SLC5A4: variants seen among roughly 807,000 people sequenced by gnomAD.
The protein encoded by SLC5A4 is probable glucose sensor protein SLC5A4.
SLC5A4 carries 55 observed loss-of-function variants against 70.3 expected under a neutral mutation model. The ratio of observed to expected loss-of-function variants is 0.78; its 90% confidence interval spans 0.63 to 0.98. The LOEUF (loss-of-function observed/expected upper bound fraction) is 0.98. Among genes scored for constraint, SLC5A4 ranks in the 50% least tolerant of loss-of-function variants. The pLI, the probability that SLC5A4 is intolerant of heterozygous loss-of-function variation, is 0.00. For missense variants in SLC5A4, 735 were observed against 839.2 expected, an observed-to-expected ratio of 0.88 and a Z score of 1.53; for synonymous variants, 268 against 305.7, an observed-to-expected ratio of 0.88 and a Z score of 1.29.
the SLC5A4 span, among the ~76,000 whole-genome samples, chr22:32,308,128 C>T: frequency 4.6e-5 from 7 of 152,136 alleles, no homozygotes; most frequent in Admixed American, 1.3e-4. Flanking sequence ...TGCACTGGTA[C>T]GATCTCAGCT....
chr22:32,328,477 G>A, the SLC5A4 span, among the ~76,000 whole-genome samples: 2 of 152,224 alleles, frequency 1.3e-5, no homozygotes, highest in South Asian at 2.1e-4. Flanking sequence ...CCTCTTTTTG[G>A]GTGGTCAGCT....
At chr22:32,227,469 A>G (rs1221427061) in intron 11 of SLC5A4, among the ~76,000 whole-genome samples, 1 of 152,174 alleles carries the variant, frequency 6.6e-6, no homozygotes, top group Non-Finnish European at 1.5e-5. Context: ...TGTTACTGTC[A>G]CCAACAAAGT....
chr22:32,260,124 G>A (rs191562028), upstream of SLC5A4, among the ~76,000 whole-genome samples: 49 of 152,304 alleles, frequency 3.2e-4, no homozygotes, highest in African/African-American at 1.0e-3. Context: ...GGTGGGAGAG[G>A]GGTCCCCCTA....
Position 32,219,630 on chromosome 22 carries a change from C to CAAAAAAAAAAAAAAAAA in SLC5A4, c.1769-922_1769-906dup. On this transcript the variant is annotated intron_variant, in intron 14 of 14. Coordinates refer to ENST00000266086, the MANE Select transcript of SLC5A4 (RefSeq NM_014227.3). ...ATGAATGAGTTAATATCCAACTTAG[C>CAAAAAAAAAAAAAAAAA]AAAAAAAAAAAAAAAAAAAAAAGAA... 3.5e-4 allele frequency among the ~76,000 whole-genome samples: 10 copies of CAAAAAAAAAAAAAAAAA among 28,862 alleles called. 1 individual carries two copies. Among genetic ancestry groups the CAAAAAAAAAAAAAAAAA allele is most frequent in the Non-Finnish European group, 5.4e-4 (10 of 18,420 alleles). 18.9% of individuals were successfully genotyped at this position (28,862 alleles called of 152,430 possible). A position where few individuals can be genotyped will look rare whatever the true frequency, so the allele number is the denominator to read the frequency against.
the SLC5A4 span, among the ~76,000 whole-genome samples, chr22:32,331,155 G>A: frequency 3.2e-5 from 4 of 126,786 alleles, no homozygotes; most frequent in African/African-American, 1.2e-4. Flanking sequence ...GGAGGCTCTG[G>A]TGTGTGTGTT....
the SLC5A4 span, chr22:32,273,074 C>G: frequency 3.9e-6 from 2 of 510,778 alleles, no homozygotes; most frequent in African/African-American, 3.9e-5. Flanking sequence ...TCCTGGATGA[C>G]TTGCTGGAGA....
chr22:32,315,607 G>A, the SLC5A4 span, among the ~76,000 whole-genome samples: 21 of 151,978 alleles, frequency 1.4e-4, no homozygotes, highest in East Asian at 1.2e-3. Context: ...GATCAAAAAC[G>A]CAGCTTTCCA....
chr22:32,351,848 CAAAG>C, the SLC5A4 span, among the ~76,000 whole-genome samples: 115 of 148,966 alleles, frequency 7.7e-4, no homozygotes, highest in Middle Eastern at 7.0e-3. Context: ...ATAAAGAAAA[CAAAG>C]GGAGGAGGAG....
intron 14 of SLC5A4, among the ~76,000 whole-genome samples, chr22:32,219,031 C>G (rs1924894336): frequency 6.6e-6 from 1 of 152,080 alleles, no homozygotes; most frequent in African/African-American, 2.4e-5. Context: ...AAAAGGCTAT[C>G]AACAGCCCCA....
chr22:32,277,761 G>A, the SLC5A4 span, among the ~76,000 whole-genome samples: 1 of 152,156 alleles, frequency 6.6e-6, no homozygotes. Context: ...TGTTAGCCAA[G>A]ATGGTCTCGA....
chr22:32,355,019 G>A, the SLC5A4 span: 1 of 152,042 alleles, frequency 6.6e-6, no homozygotes, highest in African/African-American at 2.4e-5. Flanking sequence ...CTCTAAGCCA[G>A]TACTAACCAG....
At chr22:32,346,805 A>G in the SLC5A4 span, among the ~76,000 whole-genome samples, 1 of 147,970 alleles carries the variant, frequency 6.8e-6, no homozygotes, top group Non-Finnish European at 1.5e-5. Context: ...CAAGGACTTC[A>G]TGTCTAAAAC....
chr22:32,246,060 A>C (rs1475137880), intron 5 of SLC5A4, among the ~76,000 whole-genome samples: 2 of 152,204 alleles, frequency 1.3e-5, no homozygotes, highest in Admixed American at 6.5e-5. Flanking sequence ...TGTGCACGGC[A>C]CATTTTCTGT....
the SLC5A4 span, among the ~76,000 whole-genome samples, chr22:32,340,085 A>G: frequency 1.3e-5 from 2 of 152,066 alleles, no homozygotes; most frequent in Non-Finnish European, 1.5e-5. Context: ...AGTTCACCAG[A>G]CCTTAGTTCC....
chr22:32,316,780 C>T, the SLC5A4 span, among the ~76,000 whole-genome samples: 43 of 151,986 alleles, frequency 2.8e-4, no homozygotes, highest in Admixed American at 2.6e-3. Context: ...ACAGGTGATC[C>T]GCCCACCTCA....
At chr22:32,337,580 G>A in the SLC5A4 span, among the ~76,000 whole-genome samples, 2 of 152,198 alleles carry the variant, frequency 1.3e-5, no homozygotes, top group African/African-American at 4.8e-5. Context: ...GCTTCCCACA[G>A]TAGTGTTCAC....
At chr22:32,222,857 G>A (rs1925163188) in intron 13 of SLC5A4, among the ~76,000 whole-genome samples, 1 of 152,116 alleles carries the variant, frequency 6.6e-6, no homozygotes, top group Non-Finnish European at 1.5e-5. Context: ...AATTCAAACA[G>A]TATTAGTATA....
At chr22:32,303,110 A>G in the SLC5A4 span, among the ~76,000 whole-genome samples, 3 of 152,212 alleles carry the variant, frequency 2.0e-5, no homozygotes, top group African/African-American at 7.2e-5. Context: ...ACAGATCTCA[A>G]TCAATTTAGA....
the SLC5A4 span, among the ~76,000 whole-genome samples, chr22:32,346,562 T>C: frequency 2.4e-3 from 345 of 144,248 alleles, 6 homozygotes; most frequent in East Asian, 0.057. Context: ...TATCTGCAAC[T>C]ATCTGATCTT....
Sources: gnomAD v4.1 joint callset for allele counts (sites outside exome capture counted in the v4.1 genomes callset) on GRCh38, gnomAD v4.1.1 for gene constraint, MANE v1.5 for transcripts, NCBI Gene and HGNC (gene_info 2026-07-23, HGNC 2026-07-21) for gene names.